Variants in KCNK17 observed in about 807,000 individuals in gnomAD.
The protein encoded by KCNK17 is potassium channel subfamily K member 17.
Under a neutral mutation model 24.6 loss-of-function variants are expected in KCNK17, and 27 were observed. That is an observed-to-expected ratio of 1.10 (90% CI 0.81 to 1.51). The LOEUF (loss-of-function observed/expected upper bound fraction) is 1.51, where lower values mean the gene tolerates loss of function less well. Ranked by LOEUF, KCNK17 falls within the 40% of genes most tolerant of loss-of-function variation. The pLI is 0.00. For synonymous variants in KCNK17, 181 were observed against 189.8 expected, an observed-to-expected ratio of 0.95 and a Z score of 0.38; for missense variants, 450 against 436.6, an observed-to-expected ratio of 1.03 and a Z score of -0.27.
chr6:39,304,485 GC>G lies in KCNK17; in HGVS notation c.513+9del. On this transcript the variant is annotated intron_variant, in intron 3 of 4. Coordinates refer to ENST00000373231, the MANE Select transcript of KCNK17 (RefSeq NM_031460.4). ...TGACCCATCCCCACCCCGTCCAGCA[GC>G]CCCCTCACCTGCCAGGTGCCCCCCA... 6.2e-7 allele frequency: 1 copy of G among 1,608,410 alleles called. No individual in the cohort carries two copies. The highest frequency in any genetic ancestry group is 8.5e-7 in the Non-Finnish European group (1 of 1,175,196).
At position 39,305,861 on chromosome 6, in the gene KCNK17, T is replaced by C. The variant is rs549004353; in HGVS notation, c.353-1206A>G. Among the ~76,000 whole-genome samples, 11 of 152,262 alleles carry C rather than the reference T, an allele frequency of 7.2e-5. No homozygotes were observed. The East Asian group carries it at 2.1e-3, about 29-fold the overall frequency. On this transcript the variant is annotated intron_variant, in intron 2 of 4. Transcript: ENST00000373231. The stretch of plus-strand genomic sequence containing the variant: ...ATGCTTCCTCTATGAAGAGAGTCTC[T>C]CCTCTTTACCCACATAAATATAAAT...
chr6:39,311,192 C>T (rs1226632898), intron 1 of KCNK17, among the ~76,000 whole-genome samples, 185 bp from the exon 2 acceptor site: 1 of 152,088 alleles, frequency 6.6e-6, no homozygotes, highest in Non-Finnish European at 1.5e-5. Flanking sequence ...GGCTCTACCC[C>T]TCTCACCAAG....
chr6:39,300,500 T>A, intron 4 of KCNK17: 1 of 1,551,348 alleles, frequency 6.4e-7, no homozygotes, highest in African/African-American at 1.4e-5. Context: ...TTTGGTTTTC[T>A]CGTATCTGAA....
rs1459231138 is a variant in KCNK17 at position 39,299,706 on chromosome 6, C to T, written c.720G>A (p.Trp240Ter). 1.9e-6 allele frequency: 3 copies of T among 1,614,092 alleles called. No individual in the cohort carries two copies. Among genetic ancestry groups the T allele is most frequent in the East Asian group, 2.2e-5 (1 of 44,884 alleles). ...TCCACAGGGACACCATGTTCTTGTA[C>T]CACAGTGGGTACCTCTGGGAGGGGT... ...GMNPSQRYPL[W>*]YKNMVSLWIL... The change falls in exon 5 of 5, where the codon TGG becomes TGA. Residue 240 changes from tryptophan to a stop codon, truncating the protein, a stop_gained. Transcript: ENST00000373231. LOFTEE classifies it low-confidence loss of function (END_TRUNC).
In KCNK17 at chr6:39,299,322, C is replaced by T; in HGVS notation, c.*105G>A. 1.2e-6 allele frequency: 1 copy of T among 852,102 alleles called. No homozygotes were observed. The highest frequency in any genetic ancestry group is 1.8e-6 in the Non-Finnish European group (1 of 547,728). The allele number at this position is 852,102 out of a possible 1,614,324, so 52.8% of individuals were successfully genotyped here. Reference sequence around the variant, plus strand: ...AATTAATCATATAGCTGCACCCAGCCTCTAGGGTGGATGGAAAATGTAGTC... The same window carrying T: ...AATTAATCATATAGCTGCACCCAGCTTCTAGGGTGGATGGAAAATGTAGTC... On this transcript the variant is annotated 3_prime_UTR_variant, in exon 5 of 5. Coordinates refer to ENST00000373231, the MANE Select transcript of KCNK17 (RefSeq NM_031460.4).
chr6:39,299,747 A>T lies in KCNK17; in HGVS notation c.689-10T>A. The T allele has an allele frequency of 6.2e-7, 1 of 1,609,464 alleles. No individual in the cohort carries two copies. Among genetic ancestry groups the T allele is most frequent in the Non-Finnish European group, 8.5e-7 (1 of 1,176,766 alleles). Reference sequence around the variant, plus strand: ...TGGGAGGGGTTCATTCCTGGGGAAGAGGCAAGGTCAGACGATGGAGGCCTG... The same window carrying T: ...TGGGAGGGGTTCATTCCTGGGGAAGTGGCAAGGTCAGACGATGGAGGCCTG... On this transcript the variant is annotated splice_polypyrimidine_tract_variant and intron_variant, in intron 4 of 4. Transcript: ENST00000373231.
rs996759593 is a variant in KCNK17 at position 39,299,243 on chromosome 6, G to A, written c.*184C>T. The A allele has an allele frequency of 1.4e-5, 8 of 585,560 alleles. No homozygotes were observed. Among genetic ancestry groups the A allele is most frequent in the African/African-American group, 3.7e-5 (2 of 53,746 alleles). The allele number at this position is 585,560 out of a possible 1,614,324, so 36.3% of individuals were successfully genotyped here. On this transcript the variant is annotated 3_prime_UTR_variant, in exon 5 of 5. Transcript: ENST00000373231. Reference sequence around the variant, plus strand: ...AGAAGGGCATGCTGCCCCGACACCCGAAAGTCACATCCCATGTCACCCAGG... The same window carrying A: ...AGAAGGGCATGCTGCCCCGACACCCAAAAGTCACATCCCATGTCACCCAGG...
intron 1 of KCNK17, among the ~76,000 whole-genome samples, chr6:39,311,543 G>A (rs572526964): frequency 6.4e-4 from 98 of 152,292 alleles, no homozygotes; most frequent in Middle Eastern, 3.4e-3. Context: ...TTCCTTACCT[G>A]TATAATGGTA....
intron 1 of KCNK17, among the ~76,000 whole-genome samples, chr6:39,312,747 G>A (rs1021323936): frequency 6.6e-6 from 1 of 152,202 alleles, no homozygotes; most frequent in Non-Finnish European, 1.5e-5. Flanking sequence ...ATCTCCCTGG[G>A]CCCAGGCTGC....
chr6:39,314,100 A>G lies in KCNK17; in HGVS notation c.221T>C (p.Leu74Pro). Reference sequence around the variant, plus strand: ...GCCCCTGACCCGGATCAGCGAGTCCAGCGCCGGGCGGTCCAGACACGTGAA... The same window carrying G: ...GCCCCTGACCCGGATCAGCGAGTCCGGCGCCGGGCGGTCCAGACACGTGAA... ...QNFTCLDRPALDSLIRDVVQA... is the reference protein window; with the variant it reads ...QNFTCLDRPAPDSLIRDVVQA... Residue 74 changes from leucine to proline, a missense_variant, in exon 1 of 5, where the codon CTG (leucine) becomes CCG (proline). By Grantham distance (98) the Leu-to-Pro change is moderately conservative (BLOSUM62 -3). Coordinates refer to ENST00000373231, the MANE Select transcript of KCNK17 (RefSeq NM_031460.4). 6.3e-7 allele frequency: 1 copy of G among 1,585,530 alleles called. No individual in the cohort carries two copies. The highest frequency in any genetic ancestry group is 8.6e-7 in the Non-Finnish European group (1 of 1,167,214).
rs751079991 is a variant in KCNK17 at position 39,304,534 on chromosome 6, T to C, written c.474A>G (p.Gly158=). The C allele has an allele frequency of 3.1e-6, 5 of 1,614,038 alleles. No homozygotes were observed. The highest frequency in any genetic ancestry group is 4.2e-6 in the Non-Finnish European group (5 of 1,179,962). The change falls in exon 3 of 5, where the codon GGA becomes GGG. Residue 158 remains glycine (G), a synonymous_variant. Transcript: ENST00000373231. Reference sequence around the variant, plus strand: ...CCAGCCTGCTGGCCCAGTGGTTTACTCCCTGCTGCATGAGATGCCCCAGTC... The same window carrying C: ...CCAGCCTGCTGGCCCAGTGGTTTACCCCCTGCTGCATGAGATGCCCCAGTC... The part of the protein sequence containing the change: ...LNRLGHLMQQ[G]VNHWASRLGG...
At position 39,314,346 on chromosome 6, in the gene KCNK17, C is replaced by G; in HGVS notation, c.-26G>C. 7.3e-7 allele frequency: 1 copy of G among 1,378,926 alleles called. No individual in the cohort carries two copies. The highest frequency in any genetic ancestry group is 9.4e-7 in the Non-Finnish European group (1 of 1,065,926). The allele number at this position is 1,378,926 out of a possible 1,614,324, so 85.4% of individuals were successfully genotyped here. A position where few individuals can be genotyped will look rare whatever the true frequency, so the allele number is the denominator to read the frequency against. On this transcript the variant is annotated 5_prime_UTR_variant, in exon 1 of 5. Coordinates refer to ENST00000373231, the MANE Select transcript of KCNK17 (RefSeq NM_031460.4). ...AGCGGGAGAGGCGGGGAGCCGGCGCCGGGAGCGGTGGACTAGGACCCGGTG... is the reference window on the plus strand; with the variant it reads ...AGCGGGAGAGGCGGGGAGCCGGCGCGGGGAGCGGTGGACTAGGACCCGGTG...
rs115796063 is a variant in KCNK17, at chr6:39,300,981, A to G, written c.689-1244T>C. On this transcript the variant is annotated intron_variant, in intron 4 of 4. Coordinates refer to ENST00000373231, the MANE Select transcript of KCNK17 (RefSeq NM_031460.4). ...TCATCTGTAAAATGGAGACAGTAAG[A>G]GTCCTCCTCCTATGACTGTTGGGAG... Among the ~76,000 whole-genome samples the G allele has an allele frequency of 5.0e-3, 768 of 152,304 alleles. 9 individuals carry two copies. The highest frequency in any genetic ancestry group is 0.017 in the African/African-American group (717 of 41,546).
At chr6:39,304,788 C>T in intron 2 of KCNK17, 133 bp from the exon 3 acceptor site, 2 of 912,868 alleles carry the variant, frequency 2.2e-6, no homozygotes, top group South Asian at 3.3e-5. Context: ...CTGATACTTA[C>T]CAAGGCCCTC....
chr6:39,314,007 C>A lies in KCNK17; in HGVS notation c.237+77G>T, dbSNP rs557095645. On this transcript the variant is annotated intron_variant, in intron 1 of 4. Coordinates refer to ENST00000373231, the MANE Select transcript of KCNK17 (RefSeq NM_031460.4). ...ACCTGACCAGGGCCTGAATAGGCCC[C>A]CTCGCCCTCGGCCCGTACACCCCGC... 17 of 1,150,544 alleles carry A rather than the reference C, an allele frequency of 1.5e-5. No homozygotes were observed. In the South Asian group the frequency reaches 2.0e-4, roughly 13 times the overall value. 71.3% of individuals were successfully genotyped at this position (1,150,544 alleles called of 1,614,324 possible). A position where few individuals can be genotyped will look rare whatever the true frequency, so the allele number is the denominator to read the frequency against.
intron 4 of KCNK17, among the ~76,000 whole-genome samples, chr6:39,301,023 G>A (rs536454460): frequency 6.6e-6 from 1 of 152,326 alleles, no homozygotes; most frequent in Admixed American, 6.5e-5. Context: ...ATGGGCTGAT[G>A]CAGCTCAAGT....
rs1267357919 is a variant in KCNK17, at chr6:39,309,936, T to C, written c.352+957A>G. Among the ~76,000 whole-genome samples, 4 of 152,192 alleles carry C rather than the reference T, an allele frequency of 2.6e-5. No individual in the cohort carries two copies. In the East Asian group the frequency reaches 7.7e-4, roughly 29 times the overall value. On this transcript the variant is annotated intron_variant, in intron 2 of 4. Coordinates refer to ENST00000373231, the MANE Select transcript of KCNK17 (RefSeq NM_031460.4). ...GTCTCAAGGATTGCCCAAGCTCCCA[T>C]GTAGCTCTGAGGTCTGCTTTCAAGA...
In KCNK17 at chr6:39,304,583, G is replaced by A. The variant is rs369323115; in HGVS notation, c.425C>T (p.Pro142Leu). 6.2e-7 allele frequency: 1 copy of A among 1,614,148 alleles called. No individual in the cohort carries two copies. The highest frequency in any genetic ancestry group is 8.5e-7 in the Non-Finnish European group (1 of 1,180,000). Residue 142 changes from proline (P) to leucine (L), a missense_variant, in exon 3 of 5, where the codon CCA becomes CTA. Transcript: ENST00000373231. ...TCGGTTGAGCACCACGAGGTTGAGT[G>A]GGATCCCCACAAGGGCAAAGAAGAT... ...FCIFFALVGI[P>L]LNLVVLNRLG...
At position 39,299,202 on chromosome 6, in the gene KCNK17, AG is replaced by A. The variant is rs1216601733; in HGVS notation, c.*224del. ...TATCGGCGGCATTGCAGCCCGCTAAAGTAAGGAAGTGGGGGAGAAGGGCATG... is the reference window on the plus strand; with the variant it reads ...TATCGGCGGCATTGCAGCCCGCTAAATAAGGAAGTGGGGGAGAAGGGCATG... On this transcript the variant is annotated 3_prime_UTR_variant, in exon 5 of 5. Transcript: ENST00000373231. The A allele has an allele frequency of 5.6e-6, 3 of 540,084 alleles. No individual in the cohort carries two copies. Among genetic ancestry groups the A allele is most frequent in the Non-Finnish European group, 9.9e-6 (3 of 304,516 alleles). The allele number at this position is 540,084 out of a possible 1,614,324, so 33.5% of individuals were successfully genotyped here.
Sources: gnomAD v4.1 joint callset for allele counts (sites outside exome capture counted in the v4.1 genomes callset) on GRCh38, gnomAD v4.1.1 for gene constraint, MANE v1.5 for transcripts, NCBI Gene and HGNC (gene_info 2026-07-23, HGNC 2026-07-21) for gene names.